Variants in ERBB4 observed in about 807,000 individuals in gnomAD.
The protein encoded by ERBB4 is receptor tyrosine-protein kinase erbB-4.
ERBB4 carries 42 observed loss-of-function variants against 158.0 expected under a neutral mutation model. That is an observed-to-expected ratio of 0.27 (90% CI 0.21 to 0.34). ERBB4 has a LOEUF of 0.34. Among genes scored for constraint, ERBB4 ranks in the 10% least tolerant of loss-of-function variants. The pLI is 1.00. For missense variants in ERBB4, 1,333 were observed against 1,624.1 expected, an observed-to-expected ratio of 0.82 and a Z score of 3.08; for synonymous variants, 583 against 558.7, an observed-to-expected ratio of 1.04 and a Z score of -0.61.
chr2:212,333,741 G>A (rs1333518981), intron 1 of ERBB4, among the ~76,000 whole-genome samples: 1 of 151,418 alleles, frequency 6.6e-6, no homozygotes, highest in Non-Finnish European at 1.5e-5. Context: ...TACTAAATCA[G>A]AACCCTAGTT....
chr2:211,476,098 G>A (rs923996887), intron 20 of ERBB4, among the ~76,000 whole-genome samples: 2 of 152,052 alleles, frequency 1.3e-5, no homozygotes, highest in African/African-American at 4.8e-5. Flanking sequence ...AGAGCTGGTG[G>A]CACTTCAGTT....
chr2:212,276,947 C>T (rs772428909), intron 1 of ERBB4, among the ~76,000 whole-genome samples: 11 of 151,684 alleles, frequency 7.3e-5, no homozygotes, highest in East Asian at 1.9e-4. Flanking sequence ...TGAAGAGAAA[C>T]GGTGAACCGG....
At chr2:211,391,542 G>T (rs940170943) in intron 25 of ERBB4, among the ~76,000 whole-genome samples, 2 of 152,080 alleles carry the variant, frequency 1.3e-5, no homozygotes, top group African/African-American at 4.8e-5. Context: ...TGGTGGGGGG[G>T]TTTGTAAGGG....
At chr2:211,724,120 G>A (rs1166538390) in intron 6 of ERBB4, among the ~76,000 whole-genome samples, 3 of 152,092 alleles carry the variant, frequency 2.0e-5, no homozygotes, top group South Asian at 2.1e-4. Context: ...GAAAGACAGA[G>A]GAAGGTTCTC....
At chr2:211,549,522 A>G (rs140927457) in intron 20 of ERBB4, among the ~76,000 whole-genome samples, 160 of 152,184 alleles carry the variant, frequency 1.1e-3, no homozygotes, top group African/African-American at 3.6e-3. Context: ...AGTCAAGGGT[A>G]TATAGGACTA....
chr2:212,536,364 G>A (rs1333039483), intron 1 of ERBB4, among the ~76,000 whole-genome samples: 1 of 152,178 alleles, frequency 6.6e-6, no homozygotes, highest in Non-Finnish European at 1.5e-5. Flanking sequence ...AGTTTCCAAT[G>A]GATCACCTTA....
At chr2:212,060,027 T>C (rs186348455) in intron 2 of ERBB4, among the ~76,000 whole-genome samples, 2,182 of 152,174 alleles carry the variant, frequency 0.014, 23 homozygotes, top group Middle Eastern at 0.027. Context: ...GGGAGAAAAT[T>C]TTTGCAATCT....
At chr2:211,694,683 T>C (rs1400985019) in intron 12 of ERBB4, among the ~76,000 whole-genome samples, 1 of 152,138 alleles carries the variant, frequency 6.6e-6, no homozygotes, top group African/African-American at 2.4e-5. Context: ...GCGACTTCAC[T>C]ATATTCAAAG....
At chr2:212,290,802 T>C (rs925421889) in intron 1 of ERBB4, among the ~76,000 whole-genome samples, 3 of 151,828 alleles carry the variant, frequency 2.0e-5, no homozygotes, top group African/African-American at 7.3e-5. Flanking sequence ...AACGAACATA[T>C]ACCATGCAGT....
At chr2:211,813,659 C>A (rs2076812269) in intron 3 of ERBB4, among the ~76,000 whole-genome samples, 1 of 152,012 alleles carries the variant, frequency 6.6e-6, no homozygotes, top group African/African-American at 2.4e-5. Context: ...CTATTCCTAT[C>A]CTACAAGTGT....
At chr2:211,716,630 T>G (rs530577412) in intron 7 of ERBB4, among the ~76,000 whole-genome samples, 1 of 151,732 alleles carries the variant, frequency 6.6e-6, no homozygotes, top group East Asian at 2.0e-4. Flanking sequence ...GAGCCGAGAT[T>G]GCGCCACTGC....
chr2:212,075,694 T>C (rs2125454916), intron 2 of ERBB4, among the ~76,000 whole-genome samples: 1 of 152,070 alleles, frequency 6.6e-6, no homozygotes, highest in African/African-American at 2.4e-5. Context: ...TTTTATATAA[T>C]ATTCATACCT....
intron 1 of ERBB4, among the ~76,000 whole-genome samples, chr2:212,372,291 A>G (rs188442396): frequency 4.6e-5 from 7 of 152,296 alleles, no homozygotes; most frequent in African/African-American, 1.7e-4. Flanking sequence ...TCATAAGCAG[A>G]TTCCCTCTAT....
intron 19 of ERBB4, among the ~76,000 whole-genome samples, chr2:211,592,792 A>G (rs752247091): frequency 1.1e-4 from 16 of 152,076 alleles, no homozygotes; most frequent in Admixed American, 2.6e-4. Context: ...TGGGTGGATC[A>G]TGAGGTCAGG....
chr2:211,978,546 C>T (rs554075459), intron 2 of ERBB4, among the ~76,000 whole-genome samples: 2 of 152,204 alleles, frequency 1.3e-5, no homozygotes, highest in Non-Finnish European at 2.9e-5. Flanking sequence ...ACCTTAGTCT[C>T]CCAAGTAGCT....
chr2:211,925,810 G>C (rs2080004920), intron 3 of ERBB4, among the ~76,000 whole-genome samples: 1 of 152,078 alleles, frequency 6.6e-6, no homozygotes, highest in African/African-American at 2.4e-5. Flanking sequence ...GTGTAGGAAG[G>C]CATTTCCATT....
chr2:212,421,063 A>G (rs2105904867), intron 1 of ERBB4, among the ~76,000 whole-genome samples: 1 of 152,220 alleles, frequency 6.6e-6, no homozygotes, highest in Middle Eastern at 3.4e-3. Flanking sequence ...GATGTTTTTT[A>G]TTTCCTATAG....
intron 1 of ERBB4, among the ~76,000 whole-genome samples, chr2:212,344,486 G>T (rs28552862): frequency 6.6e-6 from 1 of 152,006 alleles, no homozygotes; most frequent in South Asian, 2.1e-4. Context: ...ATGTGTGTGT[G>T]TGTGTGTGTG....
chr2:211,940,931 G>T (rs1412609198), intron 3 of ERBB4, among the ~76,000 whole-genome samples: 1 of 152,116 alleles, frequency 6.6e-6, no homozygotes, highest in African/African-American at 2.4e-5. Flanking sequence ...AAAATTTGCT[G>T]AAATGGCCAT....
Sources: gnomAD v4.1 joint callset for allele counts (sites outside exome capture counted in the v4.1 genomes callset) on GRCh38, gnomAD v4.1.1 for gene constraint, MANE v1.5 for transcripts, NCBI Gene and HGNC (gene_info 2026-07-23, HGNC 2026-07-21) for gene names.